FAM118A: variants seen among roughly 807,000 people sequenced by gnomAD.
The protein encoded by FAM118A is protein FAM118A.
In FAM118A, 25 loss-of-function variants were observed where a neutral mutation model predicts 38.2. The observed-to-expected ratio is 0.65, with a 90% CI of 0.48 to 0.91. FAM118A has a LOEUF of 0.91. FAM118A is among the 40% of genes least tolerant of loss of function. The pLI, the probability that FAM118A is intolerant of heterozygous loss-of-function variation, is 0.00. For synonymous variants in FAM118A, 178 were observed against 184.1 expected (o/e 0.97, Z 0.27); for missense variants, 425 against 463.3 (o/e 0.92, Z 0.76).
chr22:45,321,547 G>A (rs1254519714), intron 1 of FAM118A: 1 of 152,172 alleles, frequency 6.6e-6, no homozygotes, highest in African/African-American at 2.4e-5. Flanking sequence ...CTTCCTAGTA[G>A]ATGGGACTAC....
rs190883768 is a variant in FAM118A at position 45,339,256 on chromosome 22, T to C, written c.1055-1130T>C. Among the ~76,000 whole-genome samples, 76 of 152,056 alleles carry C rather than the reference T, an allele frequency of 5.0e-4. 2 individuals carry two copies. The Middle Eastern group carries it at 0.01, about 20-fold the overall frequency. ...ACTAAAAATACAAAAATTAACTGGGTGTGGTGGCGGGCGCCTACTGTAGTC... is the reference window on the plus strand; with the variant it reads ...ACTAAAAATACAAAAATTAACTGGGCGTGGTGGCGGGCGCCTACTGTAGTC... On this transcript the variant is annotated intron_variant, in intron 8 of 8. Transcript: ENST00000441876.
At chr22:45,333,136 C>T (rs893524333) in intron 6 of FAM118A, among the ~76,000 whole-genome samples, 1 of 152,174 alleles carries the variant, frequency 6.6e-6, no homozygotes, top group African/African-American at 2.4e-5. Flanking sequence ...TAAAATTCAC[C>T]AGTCTTCGTT....
rs1403516157 is a variant in FAM118A, at chr22:45,334,700, A to G, written c.938-650A>G. 2.0e-5 allele frequency among the ~76,000 whole-genome samples: 3 copies of G among 152,324 alleles called. No homozygotes were observed. In the East Asian group the frequency reaches 5.8e-4, roughly 29 times the overall value. On this transcript the variant is annotated intron_variant, in intron 6 of 8. Transcript: ENST00000441876. ...TGGCACAGGCACATAACGTGCCCAGACATTTTGAAGCTGGGATTGGGATCC... is the reference window on the plus strand; with the variant it reads ...TGGCACAGGCACATAACGTGCCCAGGCATTTTGAAGCTGGGATTGGGATCC...
intron 5 of FAM118A, 36 bp downstream of exon 5, chr22:45,330,767 T>C (rs766218890): frequency 1.1e-5 from 16 of 1,486,742 alleles, no homozygotes; most frequent in Non-Finnish European, 1.3e-5. Flanking sequence ...GTGCGTCCTC[T>C]CAGGGATTAC....
At chr22:45,311,621 G>A (rs1260032153) in intron 1 of FAM118A, among the ~76,000 whole-genome samples, 1 of 152,160 alleles carries the variant, frequency 6.6e-6, no homozygotes, top group Non-Finnish European at 1.5e-5. Context: ...TGGAGGGTTT[G>A]GTACTTAAAG....
At position 45,336,427 on chromosome 22, in the gene FAM118A, T is replaced by C; in HGVS notation, c.1054+16T>C. On this transcript the variant is annotated intron_variant, in intron 8 of 8. Coordinates refer to ENST00000441876, the MANE Select transcript of FAM118A (RefSeq NM_017911.4). ...TCAGATACTGGTATTGTGTCTGTTC[T>C]TTTTGTGGGGAGCTGCCTCGGGTCT... The C allele has an allele frequency of 6.2e-7, 1 of 1,604,652 alleles. No homozygotes were observed. The highest frequency in any genetic ancestry group is 8.5e-7 in the Non-Finnish European group (1 of 1,171,672).
At chr22:45,339,931 CCA>C (rs1273467525) in intron 8 of FAM118A, among the ~76,000 whole-genome samples, 1 of 152,200 alleles carries the variant, frequency 6.6e-6, no homozygotes, top group East Asian at 1.9e-4. Context: ...CTCTCCCCAC[CCA>C]GTCATGTCTC....
intron 3 of FAM118A, among the ~76,000 whole-genome samples, chr22:45,325,482 C>G (rs1259018016): frequency 6.6e-6 from 1 of 152,094 alleles, no homozygotes; most frequent in African/African-American, 2.4e-5. Context: ...GAAGGCAGGA[C>G]AGGACAGCAG....
intron 3 of FAM118A, among the ~76,000 whole-genome samples, chr22:45,325,147 C>T (rs886423466): frequency 8.5e-5 from 13 of 152,156 alleles, no homozygotes; most frequent in Admixed American, 4.6e-4. Flanking sequence ...GTAGTGGGGT[C>T]GCTGGGCAGC....
chr22:45,312,438 C>T (rs558281370), intron 1 of FAM118A, among the ~76,000 whole-genome samples: 10 of 152,178 alleles, frequency 6.6e-5, no homozygotes, highest in South Asian at 6.2e-4. Flanking sequence ...TTTGGTAGGC[C>T]GAGGAGGGTA....
intron 1 of FAM118A, among the ~76,000 whole-genome samples, chr22:45,320,937 G>A (rs1038279515): frequency 2.0e-5 from 3 of 152,098 alleles, no homozygotes; most frequent in Non-Finnish European, 2.9e-5. Flanking sequence ...GCACTAAGTC[G>A]GTGGTCAGGG....
chr22:45,335,513 T>G, intron 7 of FAM118A, 131 bp downstream of exon 7: 1 of 1,020,914 alleles, frequency 9.8e-7, no homozygotes, highest in South Asian at 1.5e-5. Context: ...ACAGCCCCAC[T>G]GAAGATGATA....
chr22:45,328,553 G>T, intron 4 of FAM118A: 1 of 705,254 alleles, frequency 1.4e-6, no homozygotes. Context: ...GATTGCTTGA[G>T]CCCAGGAGTT....
At chr22:45,324,733 GC>G (rs2085135150) in intron 3 of FAM118A, among the ~76,000 whole-genome samples, 1 of 152,142 alleles carries the variant, frequency 6.6e-6, no homozygotes, top group Non-Finnish European at 1.5e-5. Flanking sequence ...AGACTTTCTG[GC>G]CCACAAGGCC....
chr22:45,335,486 A>C, intron 7 of FAM118A, 104 bp downstream of exon 7: 1 of 1,353,816 alleles, frequency 7.4e-7, no homozygotes, highest in East Asian at 2.3e-5. Flanking sequence ...CACCTTAAAT[A>C]ATTAGCTTGT....
At chr22:45,326,655 C>T (rs2085288964) in intron 3 of FAM118A, among the ~76,000 whole-genome samples, 1 of 151,686 alleles carries the variant, frequency 6.6e-6, no homozygotes, top group Admixed American at 6.6e-5. Context: ...GGTGAAACCC[C>T]ATCTCTACTA....
At chr22:45,332,351 CAT>C (rs2085780741) in intron 5 of FAM118A, 72 bp from the exon 6 acceptor site, 5 of 1,481,326 alleles carry the variant, frequency 3.4e-6, no homozygotes, top group East Asian at 2.3e-5. Context: ...AAAGCACACA[CAT>C]GTGACTTGGT....
intron 8 of FAM118A, 132 bp downstream of exon 8, chr22:45,336,543 C>G (rs893060970): frequency 1.5e-6 from 1 of 658,016 alleles, no homozygotes; most frequent in Admixed American, 2.6e-5. Context: ...CTGTCAGGGC[C>G]AGAGAGCACA....
intron 7 of FAM118A, 136 bp from the exon 8 acceptor site, chr22:45,336,192 C>T (rs899198373): frequency 8.2e-6 from 5 of 610,680 alleles, no homozygotes; most frequent in Admixed American, 3.0e-5. Flanking sequence ...GGAGAGAAGC[C>T]GTAGCGTGGT....
Sources: gnomAD v4.1 joint callset for allele counts (sites outside exome capture counted in the v4.1 genomes callset) on GRCh38, gnomAD v4.1.1 for gene constraint, MANE v1.5 for transcripts, NCBI Gene and HGNC (gene_info 2026-07-23, HGNC 2026-07-21) for gene names.